INPP5J: variants seen among roughly 807,000 people sequenced by gnomAD.
INPP5J encodes the protein phosphatidylinositol 4,5-bisphosphate 5-phosphatase A.
Under a neutral mutation model 86.6 loss-of-function variants are expected in INPP5J, and 75 were observed. The observed-to-expected ratio is 0.87, with a 90% confidence interval of 0.72 to 1.05. INPP5J has a LOEUF of 1.05. Among genes scored for constraint, INPP5J ranks in the 50% least tolerant of loss-of-function variants. INPP5J has a pLI of 0.00. For missense variants in INPP5J, 1,229 were observed against 1,341.2 expected, an observed-to-expected ratio of 0.92 and a Z score of 1.31; for synonymous variants, 540 against 550.0, an observed-to-expected ratio of 0.98 and a Z score of 0.25.
At chr22:31,126,785 C>T (rs1250719829) in intron 4 of INPP5J, 64 bp downstream of exon 4, 2 of 1,509,912 alleles carry the variant, frequency 1.3e-6, no homozygotes, top group African/African-American at 1.4e-5. Context: ...CCAGCTGTAC[C>T]CTGGCTCACT....
At chr22:31,133,581 A>G (rs778081660) in intron 11 of INPP5J, 29 bp from the exon 12 acceptor site, 42 of 1,600,892 alleles carry the variant, frequency 2.6e-5, no homozygotes, top group Non-Finnish European at 9.4e-6. Flanking sequence ...CTGACCCCCA[A>G]CTTAGGCTTA....
At chr22:31,131,317 C>A (rs1415448565) in intron 9 of INPP5J, among the ~76,000 whole-genome samples, 1 of 152,164 alleles carries the variant, frequency 6.6e-6, no homozygotes, top group Non-Finnish European at 1.5e-5. Context: ...GTAATCCCAG[C>A]ACTTTGGGAG....
intron 1 of INPP5J, among the ~76,000 whole-genome samples, 158 bp from the exon 2 acceptor site, chr22:31,124,687 G>T (rs998609806): frequency 1.6e-4 from 24 of 152,208 alleles, no homozygotes; most frequent in African/African-American, 5.8e-4. Context: ...GACAGAAGTT[G>T]ACCTGCAGCA....
At position 31,134,035 on chromosome 22, in the gene INPP5J, C is replaced by T; in HGVS notation, c.2637C>T (p.Gly879=). ...LAPKSRSPSP[G]KSKRHRSRSP... ...CCAAGTCCCGCAGCCCCAGTCCTGG[C>T]AAGTCCAAGCGACACCGCAGCCGCA... Residue 879 remains glycine, a synonymous_variant, in exon 13 of 13, where the codon GGC becomes GGT. Transcript: ENST00000331075. 1 of 1,603,086 alleles carries T rather than the reference C, an allele frequency of 6.2e-7. No individual in the cohort carries two copies. Among genetic ancestry groups the T allele is most frequent in the East Asian group, 2.3e-5 (1 of 44,214 alleles).
chr22:31,123,107 G>T lies in INPP5J; in HGVS notation c.93G>T (p.Gly31=). Residue 31 remains glycine, a synonymous_variant, in exon 1 of 13, where the codon GGG becomes GGT. Transcript: ENST00000331075. The part of the protein sequence containing the change: ...LPMPQGVAQT[G]APSKVDSSFQ... The stretch of plus-strand genomic sequence containing the variant: ...TGCCCCAGGGTGTTGCCCAAACTGG[G>T]GCACCCTCCAAGGTAAGACCCCTGA... The T allele has an allele frequency of 6.8e-7, 1 of 1,480,664 alleles. No individual in the cohort carries two copies. 91.7% of individuals were successfully genotyped at this position (1,480,664 alleles called of 1,614,324 possible).
intron 2 of INPP5J, 52 bp downstream of exon 2, chr22:31,126,062 G>A: frequency 6.8e-7 from 1 of 1,462,906 alleles, no homozygotes; most frequent in South Asian, 1.3e-5. Flanking sequence ...TCTGAGGTTA[G>A]CCATTCTTCC....
At chr22:31,123,249 G>A in intron 1 of INPP5J, 130 bp downstream of exon 1, 1 of 582,014 alleles carries the variant, frequency 1.7e-6, no homozygotes, top group Non-Finnish European at 2.8e-6. Context: ...CAGCGAGCAG[G>A]GGCTAGGTGA....
In INPP5J at chr22:31,125,407, C is replaced by T. The variant is rs1026825488; in HGVS notation, c.668C>T (p.Thr223Met). The stretch of plus-strand genomic sequence containing the variant: ...GAACAGGCCCTGGCTCCAGCATCCA[C>T]GGCATCAGGCGCAGCCTCTGTGGGA... ...TQEQALAPAS[T>M]ASGAASVGQT... Residue 223 changes from threonine (T) to methionine (M), a missense_variant, in exon 2 of 13, where the codon ACG becomes ATG. Thr to Met is a moderately conservative substitution (Grantham distance 81). Coordinates refer to ENST00000331075, the MANE Select transcript of INPP5J (RefSeq NM_001284285.2). The T allele has an allele frequency of 3.4e-5, 53 of 1,550,496 alleles. No homozygotes were observed. The highest frequency in any genetic ancestry group is 4.4e-5 in the Non-Finnish European group (50 of 1,146,982).
intron 9 of INPP5J, among the ~76,000 whole-genome samples, chr22:31,129,163 C>T (rs1276441026): frequency 6.6e-6 from 1 of 150,818 alleles, no homozygotes; most frequent in Non-Finnish European, 1.5e-5. Context: ...AACTCCTGAC[C>T]TCCTGATCCA....
chr22:31,126,820 C>T (rs115789433), intron 4 of INPP5J, 99 bp downstream of exon 4: 1 of 1,425,176 alleles, frequency 7.0e-7, no homozygotes, highest in African/African-American at 1.4e-5. Context: ...GCCTCTGTGG[C>T]TGGGTCCGTG....
chr22:31,127,259 C>T lies in INPP5J; in HGVS notation c.1612-98C>T, dbSNP rs1034724544. 3.4e-6 allele frequency: 4 copies of T among 1,174,576 alleles called. No individual in the cohort carries two copies. The African/African-American group carries it at 4.6e-5, about 14-fold the overall frequency. 72.8% of individuals were successfully genotyped at this position (1,174,576 alleles called of 1,614,324 possible). A position where few individuals can be genotyped will look rare whatever the true frequency, so the allele number is the denominator to read the frequency against. The stretch of plus-strand genomic sequence containing the variant: ...TTGTTCCTCATTTCTGTAGGACCCA[C>T]CCACCTTCCACCCACATCTCCTCTC... On this transcript the variant is annotated intron_variant, in intron 5 of 12. Coordinates refer to ENST00000331075, the MANE Select transcript of INPP5J (RefSeq NM_001284285.2).
rs1350526303 is a variant in INPP5J at position 31,133,609 on chromosome 22, G to A, written c.2410-1G>A. ...TAGGCTTATACCCCTGGGCCTACCA[G>A]GTAACATTCAGTGAGGAATCACTGC... On this transcript the variant is annotated splice_acceptor_variant, in intron 11 of 12. Coordinates refer to ENST00000331075, the MANE Select transcript of INPP5J (RefSeq NM_001284285.2). LOFTEE classifies it high-confidence loss of function. The A allele has an allele frequency of 6.2e-7, 1 of 1,609,986 alleles. No individual in the cohort carries two copies. The highest frequency in any genetic ancestry group is 1.1e-5 in the South Asian group (1 of 90,366).
Position 31,134,238 on chromosome 22 carries a change from C to T in INPP5J, c.2840C>T (p.Pro947Leu), listed in dbSNP as rs745492988. Reference sequence around the variant, plus strand: ...GAGGGGCCCTCTGGGTTGCCTGGCCCCTGGGCCTTCCCACCAGCTGTGCCT... The same window carrying T: ...GAGGGGCCCTCTGGGTTGCCTGGCCTCTGGGCCTTCCCACCAGCTGTGCCT... The part of the protein sequence containing the change: ...SEEGPSGLPG[P>L]WAFPPAVPRS... The change falls in exon 13 of 13, where the codon CCC (proline) becomes CTC (leucine). Residue 947 changes from proline (P) to leucine (L), a missense_variant. Pro to Leu is a moderately conservative substitution (Grantham distance 98). Transcript: ENST00000331075. The T allele has an allele frequency of 3.2e-6, 5 of 1,550,542 alleles. No homozygotes were observed. In the South Asian group the frequency reaches 6.0e-5, roughly 18 times the overall value.
rs557659474 is a variant in INPP5J, at chr22:31,127,692, G to C, written c.1787+160G>C. ...ACGAAAGCAGAGAGCAGTTGGATGG[G>C]GAGGGGCGGAGCTTGTAGGGTGGAG... On this transcript the variant is annotated intron_variant, in intron 6 of 12. Transcript: ENST00000331075. The C allele has an allele frequency of 3.3e-5, 27 of 807,312 alleles. No homozygotes were observed. In the East Asian group the frequency reaches 7.3e-4, roughly 22 times the overall value. The allele number at this position is 807,312 out of a possible 1,614,324, so 50.0% of individuals were successfully genotyped here.
chr22:31,132,795 T>C lies in INPP5J; in HGVS notation c.2194-303T>C, dbSNP rs1922169959. Among the ~76,000 whole-genome samples, 4 of 151,098 alleles carry C rather than the reference T, an allele frequency of 2.6e-5. No homozygotes were observed. In the South Asian group the frequency reaches 8.3e-4, roughly 31 times the overall value. ...AGTTTACAGATGAGGGCCCTGGCAT[T>C]CAGAGAGGCTGAGGAACTCACCCAG... On this transcript the variant is annotated intron_variant, in intron 9 of 12. Coordinates refer to ENST00000331075, the MANE Select transcript of INPP5J (RefSeq NM_001284285.2).
At position 31,133,250 on chromosome 22, in the gene INPP5J, G is replaced by T; in HGVS notation, c.2331+15G>T. ...GCTTATACCGGGTGAGAGGGGCAGT[G>T]GTGGTCAGCGACTCAGGGAAGAAAG... On this transcript the variant is annotated intron_variant, in intron 10 of 12. Transcript: ENST00000331075. 1 of 1,605,158 alleles carries T rather than the reference G, an allele frequency of 6.2e-7. No homozygotes were observed.
At chr22:31,132,630 T>C (rs995364416) in intron 9 of INPP5J, among the ~76,000 whole-genome samples, 4 of 151,438 alleles carry the variant, frequency 2.6e-5, no homozygotes, top group Non-Finnish European at 5.9e-5. Flanking sequence ...TCTCAGCTAC[T>C]GGGGAGGCTG....
At position 31,125,371 on chromosome 22, in the gene INPP5J, C is replaced by T. The variant is rs1921274019; in HGVS notation, c.632C>T (p.Ser211Phe). ...TCCCCGGTGCCCAGTCCAGTTCTGTCTCCAACTCAGGAACAGGCCCTGGCT... is the reference window on the plus strand; with the variant it reads ...TCCCCGGTGCCCAGTCCAGTTCTGTTTCCAACTCAGGAACAGGCCCTGGCT... Reference protein sequence around the residue: ...TPSPVPSPVLSPTQEQALAPA... With the variant: ...TPSPVPSPVLFPTQEQALAPA... Residue 211 changes from serine (S) to phenylalanine (F), a missense_variant, in exon 2 of 13, where the codon TCT becomes TTT. Physicochemically the swap from Ser to Phe is radical, Grantham distance 155. Transcript: ENST00000331075. 1.3e-6 allele frequency: 2 copies of T among 1,550,626 alleles called. No homozygotes were observed. Among genetic ancestry groups the T allele is most frequent in the African/African-American group, 2.7e-5 (2 of 73,176 alleles).
At chr22:31,126,253 G>C in intron 2 of INPP5J, 123 bp from the exon 3 acceptor site, 1 of 890,296 alleles carries the variant, frequency 1.1e-6, no homozygotes, top group South Asian at 1.6e-5. Flanking sequence ...GCCTCCTGTG[G>C]GTCCTTCTTA....
Sources: gnomAD v4.1 joint callset for allele counts (sites outside exome capture counted in the v4.1 genomes callset) on GRCh38, gnomAD v4.1.1 for gene constraint, MANE v1.5 for transcripts, NCBI Gene and HGNC (gene_info 2026-07-23, HGNC 2026-07-21) for gene names.